ULK4: variants seen among roughly 807,000 people sequenced by gnomAD.
ULK4 encodes the protein inactive serine/threonine-protein kinase ULK4.
In ULK4, 133 loss-of-function variants were observed where a neutral mutation model predicts 160.6. The ratio of observed to expected loss-of-function variants is 0.83; its 90% CI spans 0.72 to 0.96. The LOEUF is 0.96. Among genes scored for constraint, ULK4 ranks in the 40% least tolerant of loss-of-function variants. The pLI is 0.00. For missense variants in ULK4, 1,580 were observed against 1,499.5 expected (o/e 1.05, Z -0.89); for synonymous variants, 534 against 539.8 (o/e 0.99, Z 0.15).
intron 17 of ULK4, among the ~76,000 whole-genome samples, chr3:41,861,112 A>G (rs532564879): frequency 6.8e-6 from 1 of 146,294 alleles, no homozygotes; most frequent in South Asian, 2.1e-4. Flanking sequence ...GACCATCTTG[A>G]AAAATTGATA....
intron 21 of ULK4, among the ~76,000 whole-genome samples, chr3:41,759,186 T>C (rs577374756): frequency 6.6e-6 from 1 of 152,092 alleles, no homozygotes; most frequent in African/African-American, 2.4e-5. Context: ...ATAGCCAGTA[T>C]AAGAAGAAAA....
At chr3:41,646,250 T>G (rs1012440159) in intron 30 of ULK4, among the ~76,000 whole-genome samples, 12 of 152,282 alleles carry the variant, frequency 7.9e-5, no homozygotes, top group African/African-American at 2.6e-4. Context: ...GTTAGCTGGT[T>G]ATTTTGCTCG....
chr3:41,889,755 C>G (rs1369209415), intron 16 of ULK4, among the ~76,000 whole-genome samples: 4 of 152,194 alleles, frequency 2.6e-5, no homozygotes, highest in African/African-American at 9.7e-5. Flanking sequence ...TTTTATCCAG[C>G]AATCTCACTA....
In ULK4 at chr3:41,777,725, G is replaced by C. The variant is rs1464690898; in HGVS notation, c.2193+11936C>G. ...CAGGTTGTTCAGTTTCCATGTAGTT[G>C]AGCGGCTTTGAGTGAGATTCTTAAT... On this transcript the variant is annotated intron_variant, in intron 21 of 36. Transcript: ENST00000301831. 5.4e-3 allele frequency among the ~76,000 whole-genome samples: 700 copies of C among 128,528 alleles called. 1 individual carries two copies. The highest frequency in any genetic ancestry group is 8.4e-3 in the Non-Finnish European group (513 of 61,388). 84.3% of individuals were successfully genotyped at this position (128,528 alleles called of 152,430 possible).
rs34582395 is a variant in ULK4, at chr3:41,746,272, C to CAAAAAAAAAAAAAAAAAAA, written c.2321+8070_2321+8088dup. Among the ~76,000 whole-genome samples the CAAAAAAAAAAAAAAAAAAA allele has an allele frequency of 1.3e-4, 6 of 45,718 alleles. 1 individual carries two copies. Among genetic ancestry groups the CAAAAAAAAAAAAAAAAAAA allele is most frequent in the African/African-American group, 6.4e-4 (6 of 9,404 alleles). 30.0% of individuals were successfully genotyped at this position (45,718 alleles called of 152,430 possible). On this transcript the variant is annotated intron_variant, in intron 22 of 36. Coordinates refer to ENST00000301831, the MANE Select transcript of ULK4 (RefSeq NM_017886.4). The stretch of plus-strand genomic sequence containing the variant: ...TATATAGAAAATCTCCTGGAACCCA[C>CAAAAAAAAAAAAAAAAAAA]AAAAAAAAAAAAAAAAAAAAAAAAC...
intron 17 of ULK4, among the ~76,000 whole-genome samples, chr3:41,883,074 T>TA (rs1254655977): frequency 6.6e-6 from 1 of 152,164 alleles, no homozygotes; most frequent in Non-Finnish European, 1.5e-5. Flanking sequence ...GATGGAATTG[T>TA]AAGCAAGGGA....
intron 8 of ULK4, 148 bp downstream of exon 8, chr3:41,915,829 A>T: frequency 1.9e-6 from 1 of 512,996 alleles, no homozygotes. Context: ...TAATTTGAAT[A>T]GCTATTTGTA....
At chr3:41,562,229 T>C (rs1383734455) in intron 32 of ULK4, among the ~76,000 whole-genome samples, 1 of 152,164 alleles carries the variant, frequency 6.6e-6, no homozygotes, top group East Asian at 1.9e-4. Context: ...TGAGAGACAG[T>C]TTACTGTGAT....
At chr3:41,556,399 T>TA (rs2087301514) in intron 32 of ULK4, among the ~76,000 whole-genome samples, 3 of 150,072 alleles carry the variant, frequency 2.0e-5, no homozygotes, top group Admixed American at 6.7e-5. Context: ...ACTACAGAAA[T>TA]AGAGAAAATC....
chr3:41,409,010 CCT>C (rs1559578822), intron 34 of ULK4, among the ~76,000 whole-genome samples: 3 of 152,118 alleles, frequency 2.0e-5, no homozygotes, highest in African/African-American at 7.2e-5. Flanking sequence ...AGTCCCAGCA[CCT>C]TGGGAGGCAA....
At position 41,689,759 on chromosome 3, in the gene ULK4, T is replaced by G. The variant is rs569313860; in HGVS notation, c.2782-7955A>C. ...CAATGAGATACCATCTCACACCAGT[T>G]AGAATGGTGATCATTAAAAAGTCAG... On this transcript the variant is annotated intron_variant, in intron 27 of 36. Coordinates refer to ENST00000301831, the MANE Select transcript of ULK4 (RefSeq NM_017886.4). 1.6e-4 allele frequency among the ~76,000 whole-genome samples: 24 copies of G among 152,216 alleles called. 1 individual carries two copies. The highest frequency in any genetic ancestry group is 3.4e-3 in the Middle Eastern group (1 of 294).
intron 30 of ULK4, among the ~76,000 whole-genome samples, chr3:41,624,592 A>G (rs2033405595): frequency 6.6e-6 from 1 of 152,208 alleles, no homozygotes; most frequent in African/African-American, 2.4e-5. Context: ...TGAATACAAT[A>G]TACCATAACA....
At chr3:41,591,403 G>C (rs73085070) in intron 31 of ULK4, among the ~76,000 whole-genome samples, 2,013 of 152,114 alleles carry the variant, frequency 0.013, 22 homozygotes, top group Non-Finnish European at 0.022. Flanking sequence ...AGTCTAAACG[G>C]GATGTCCAAT....
chr3:41,817,631 G>A (rs948531718), intron 19 of ULK4, among the ~76,000 whole-genome samples: 5 of 152,062 alleles, frequency 3.3e-5, no homozygotes, highest in African/African-American at 1.2e-4. Flanking sequence ...AGGGGAGAAG[G>A]TGGACAGGGA....
rs527581288 is a variant in ULK4 at position 41,482,924 on chromosome 3, G to C, written c.3227-19671C>G. 3.0e-4 allele frequency among the ~76,000 whole-genome samples: 45 copies of C among 152,232 alleles called. 2 individuals are homozygous for C. In the South Asian group the frequency reaches 8.3e-3, roughly 28 times the overall value. ...GTGTATATATTTATAAGGTACATGA[G>C]ATATTTTGGTGCAGGCATCTGATGT... On this transcript the variant is annotated intron_variant, in intron 32 of 36. Coordinates refer to ENST00000301831, the MANE Select transcript of ULK4 (RefSeq NM_017886.4).
intron 16 of ULK4, among the ~76,000 whole-genome samples, chr3:41,885,533 C>T (rs769392412): frequency 2.6e-5 from 4 of 152,158 alleles, no homozygotes; most frequent in Admixed American, 6.5e-5. Flanking sequence ...CCATCTTTCA[C>T]GACAGCATCT....
At chr3:41,845,847 A>G (rs940315403) in intron 17 of ULK4, among the ~76,000 whole-genome samples, 1 of 152,228 alleles carries the variant, frequency 6.6e-6, no homozygotes, top group Non-Finnish European at 1.5e-5. Context: ...TCTCAAAACA[A>G]AAAGTTTAAT....
chr3:41,962,042 C>T lies in ULK4; in HGVS notation c.-75G>A, dbSNP rs530506373. On this transcript the variant is annotated 5_prime_UTR_variant, in exon 1 of 37. Coordinates refer to ENST00000301831, the MANE Select transcript of ULK4 (RefSeq NM_017886.4). ...TGGTAGCTAAGTCAAGAAAAGAGTC[C>T]AGTCCACTTGGCTGCTCCCGCGGTT... 7 of 152,760 alleles carry T rather than the reference C, an allele frequency of 4.6e-5. No homozygotes were observed. The highest frequency in any genetic ancestry group is 7.2e-5 in the African/African-American group (3 of 41,600). The allele number at this position is 152,760 out of a possible 1,614,324, so 9.5% of individuals were successfully genotyped here. A position where few individuals can be genotyped will look rare whatever the true frequency, so the allele number is the denominator to read the frequency against.
At position 41,721,345 on chromosome 3, in the gene ULK4, T is replaced by TATATAC. The variant is rs1299174427; in HGVS notation, c.2322-3485_2322-3484insGTATAT. ...AGCTTTTAATGTAAATATATATATATATATATATATATATATATTTTTTTT... is the reference window on the plus strand; with the variant it reads ...AGCTTTTAATGTAAATATATATATATATATACATATATATATATATATATTTTTTTT... On this transcript the variant is annotated intron_variant, in intron 22 of 36. Coordinates refer to ENST00000301831, the MANE Select transcript of ULK4 (RefSeq NM_017886.4). Among the ~76,000 whole-genome samples, 198 of 54,614 alleles carry TATATAC rather than the reference T, an allele frequency of 3.6e-3. 2 individuals carry two copies. The highest frequency in any genetic ancestry group is 0.018 in the African/African-American group (192 of 10,422). The allele number at this position is 54,614 out of a possible 152,430, so 35.8% of individuals were successfully genotyped here. A position where few individuals can be genotyped will look rare whatever the true frequency, so the allele number is the denominator to read the frequency against.
Sources: allele counts gnomAD v4.1 joint callset (sites outside exome capture counted in the v4.1 genomes callset), GRCh38; gene constraint gnomAD v4.1.1; transcripts MANE v1.5; gene names NCBI Gene and HGNC (gene_info 2026-07-23, HGNC 2026-07-21).